The following KIAA1217 variants were observed in gnomAD, a reference collection of about 807,000 sequenced individuals.
KIAA1217 encodes sickle tail protein homolog.
KIAA1217 carries 88 observed loss-of-function variants against 163.9 expected under a neutral mutation model. The ratio of observed to expected loss-of-function variants is 0.54; its 90% CI spans 0.45 to 0.64. KIAA1217 has a LOEUF of 0.64. Ranked by LOEUF, KIAA1217 falls within the 30% of genes least tolerant of loss-of-function variation. The pLI is 0.00. For missense variants in KIAA1217, 2,372 were observed against 2,475.0 expected (o/e 0.96, Z 0.88); for synonymous variants, 903 against 923.1 (o/e 0.98, Z 0.39).
At chr10:24,087,482 G>T (rs1048315845) in intron 2 of KIAA1217, among the ~76,000 whole-genome samples, 2 of 151,458 alleles carry the variant, frequency 1.3e-5, no homozygotes, top group African/African-American at 2.4e-5. Context: ...AATACATGAG[G>T]TTTTATTATT....
At chr10:23,938,881 T>C (rs1589114324) in intron 1 of KIAA1217, among the ~76,000 whole-genome samples, 6 of 152,208 alleles carry the variant, frequency 3.9e-5, no homozygotes, top group Middle Eastern at 3.4e-3. Flanking sequence ...TTAACAGTTG[T>C]GGAAGAAAGC....
chr10:24,132,977 G>C (rs2063707726), intron 2 of KIAA1217, among the ~76,000 whole-genome samples: 1 of 152,012 alleles, frequency 6.6e-6, no homozygotes, highest in Non-Finnish European at 1.5e-5. Flanking sequence ...TATTCAGATG[G>C]CAAGAGCAAA....
chr10:24,098,999 C>A (rs2062279988), intron 2 of KIAA1217, among the ~76,000 whole-genome samples: 1 of 151,940 alleles, frequency 6.6e-6, no homozygotes, highest in Admixed American at 6.6e-5. Context: ...ACTGCACCCA[C>A]TTCAGTCCAC....
intron 1 of KIAA1217, among the ~76,000 whole-genome samples, chr10:23,838,761 G>A (rs527952923): frequency 2.6e-5 from 4 of 152,174 alleles, no homozygotes; most frequent in Admixed American, 1.3e-4. Context: ...ACACCCAGCC[G>A]CTTAAGATTC....
At chr10:24,470,823 CACTTGTCTATGTAAA>C (rs2063433778) in intron 5 of KIAA1217, among the ~76,000 whole-genome samples, 1 of 152,036 alleles carries the variant, frequency 6.6e-6, no homozygotes, top group African/African-American at 2.4e-5. Flanking sequence ...TTATGAAATC[CACTTGTCTATGTAAA>C]ACTTGCAGGG....
chr10:23,769,227 T>C (rs1017412888), intron 1 of KIAA1217, among the ~76,000 whole-genome samples: 1 of 152,170 alleles, frequency 6.6e-6, no homozygotes, highest in African/African-American at 2.4e-5. Flanking sequence ...TCATAGAGAA[T>C]TGAAACTGTC....
At chr10:24,376,037 A>G (rs1812347358) in intron 2 of KIAA1217, among the ~76,000 whole-genome samples, 1 of 152,246 alleles carries the variant, frequency 6.6e-6, no homozygotes, top group African/African-American at 2.4e-5. Flanking sequence ...GAATATGAAT[A>G]AATCTGATCT....
chr10:24,254,555 C>A (rs187501711), intron 2 of KIAA1217, among the ~76,000 whole-genome samples: 134 of 152,252 alleles, frequency 8.8e-4, no homozygotes, highest in African/African-American at 3.0e-3. Context: ...TACAGCCCTG[C>A]CTTTCTTTAT....
chr10:24,426,818 C>T (rs1412300483), intron 3 of KIAA1217, among the ~76,000 whole-genome samples: 4 of 152,114 alleles, frequency 2.6e-5, no homozygotes, highest in Admixed American at 1.3e-4. Context: ...GAATGTGCAC[C>T]GTAAGAGGTC....
intron 6 of KIAA1217, among the ~76,000 whole-genome samples, chr10:24,475,298 A>T (rs1044857677): frequency 1.3e-5 from 2 of 152,244 alleles, no homozygotes; most frequent in Non-Finnish European, 2.9e-5. Context: ...TCACTAAAAA[A>T]TGTTAATATC....
chr10:23,940,026 G>A (rs12762970), intron 1 of KIAA1217, among the ~76,000 whole-genome samples: 30,240 of 151,310 alleles, frequency 0.2, 3,296 homozygotes, highest in Middle Eastern at 0.27. Context: ...AGGAGAAAGA[G>A]TATCACTAAG....
chr10:24,513,382 C>A lies in KIAA1217; in HGVS notation c.2125C>A (p.Gln709Lys). 6.2e-7 allele frequency: 1 copy of A among 1,614,128 alleles called. No individual in the cohort carries two copies. The highest frequency in any genetic ancestry group is 1.3e-5 in the African/African-American group (1 of 75,038). Residue 709 changes from glutamine to lysine, a missense_variant, in exon 10 of 21, where the codon CAA becomes AAA. Physicochemically the swap from Gln to Lys is moderately conservative, Grantham distance 53. Coordinates refer to ENST00000376454, the MANE Select transcript of KIAA1217 (RefSeq NM_019590.5). ...PVQRQRVLVE[Q>K]ERQKYLHEEE... ...GCAGCGACAGCGCGTCCTAGTGGAGCAAGAGAGACAAAAATATCTTCATGA... is the reference window on the plus strand; with the variant it reads ...GCAGCGACAGCGCGTCCTAGTGGAGAAAGAGAGACAAAAATATCTTCATGA...
chr10:24,197,394 CG>C (rs2067039764), intron 2 of KIAA1217, among the ~76,000 whole-genome samples: 1 of 152,170 alleles, frequency 6.6e-6, no homozygotes, highest in Admixed American at 6.5e-5. Flanking sequence ...GTTTCTAGAA[CG>C]TGCAATGCTG....
At chr10:23,960,337 C>T (rs909630671) in intron 1 of KIAA1217, among the ~76,000 whole-genome samples, 1 of 151,854 alleles carries the variant, frequency 6.6e-6, no homozygotes, top group African/African-American at 2.4e-5. Flanking sequence ...CGGCTTACCG[C>T]AACCTCTGCC....
intron 2 of KIAA1217, among the ~76,000 whole-genome samples, chr10:24,354,965 T>C (rs541530644): frequency 6.8e-4 from 104 of 152,362 alleles, no homozygotes; most frequent in Admixed American, 1.5e-3. Flanking sequence ...CTCCTGTCCA[T>C]GTCATTTGTA....
intron 2 of KIAA1217, among the ~76,000 whole-genome samples, chr10:24,311,855 G>A (rs367772196): frequency 7.0e-4 from 106 of 152,300 alleles, no homozygotes; most frequent in Middle Eastern, 3.4e-3. Flanking sequence ...GAAAAGAGAA[G>A]GACTTGGCAG....
chr10:23,826,604 ACCT>A (rs1178872791), intron 1 of KIAA1217, among the ~76,000 whole-genome samples: 1 of 151,988 alleles, frequency 6.6e-6, no homozygotes, highest in African/African-American at 2.4e-5. Flanking sequence ...CATGGTGCTG[ACCT>A]CCTGATTCAA....
At chr10:23,856,806 C>A (rs1839701472) in intron 1 of KIAA1217, among the ~76,000 whole-genome samples, 1 of 152,276 alleles carries the variant, frequency 6.6e-6, no homozygotes, top group Non-Finnish European at 1.5e-5. Context: ...GCGTAGGACA[C>A]TGCCAGCCAT....
intron 1 of KIAA1217, among the ~76,000 whole-genome samples, chr10:23,958,023 A>T (rs1333254090): frequency 6.6e-6 from 1 of 152,228 alleles, no homozygotes; most frequent in Non-Finnish European, 1.5e-5. Flanking sequence ...GAATATTTGC[A>T]GGTAACCTCA....
Sources: gnomAD v4.1 joint callset for allele counts (sites outside exome capture counted in the v4.1 genomes callset) on GRCh38, gnomAD v4.1.1 for gene constraint, MANE v1.5 for transcripts, NCBI Gene and HGNC (gene_info 2026-07-23, HGNC 2026-07-21) for gene names.